The following EPG5 variants were observed in gnomAD, a reference collection of about 807,000 sequenced individuals.
The protein encoded by EPG5 is ectopic P-granules 5 autophagy tethering factor, also known as ectopic P granules protein 5 homolog.
A neutral mutation model predicts 302.7 loss-of-function variants in EPG5; 159 were observed. That is an observed-to-expected ratio of 0.53 (90% CI 0.46 to 0.60). The LOEUF is 0.60. Ranked by LOEUF, EPG5 falls within the 20% of genes least tolerant of loss-of-function variation. The pLI, the probability that EPG5 is intolerant of heterozygous loss-of-function variation, is 0.00. For synonymous variants in EPG5, 1,158 were observed against 1,136.8 expected (o/e 1.02, Z -0.37); for missense variants, 2,896 against 3,092.4 (o/e 0.94, Z 1.51).
chr18:45,860,028 C>A, intron 40 of EPG5, 76 bp downstream of exon 40: 1 of 1,558,742 alleles, frequency 6.4e-7, no homozygotes, highest in Non-Finnish European at 8.7e-7. Context: ...AGTCTGGAAA[C>A]ATATCTGCTG....
At chr18:45,961,158 T>C (rs1054196693) in intron 1 of EPG5, among the ~76,000 whole-genome samples, 1 of 152,160 alleles carries the variant, frequency 6.6e-6, no homozygotes, top group Non-Finnish European at 1.5e-5. Context: ...CATCACCTCT[T>C]GCCTGGGTGA....
At chr18:45,821,480 A>G in the EPG5 span, among the ~76,000 whole-genome samples, 1 of 152,248 alleles carries the variant, frequency 6.6e-6, no homozygotes, top group Non-Finnish European at 1.5e-5. Context: ...TAACCTAAAT[A>G]TAAAACCCGA....
Position 45,925,817 on chromosome 18 carries a change from A to G in EPG5, c.2639T>C (p.Leu880Ser), listed in dbSNP as rs760827488. ...CTTCACCACTGTCAGGTTGTAATTC[A>G]ATAACCAATCCCGAATCACCGCTAT... ...SEIAVIRDWL[L>S]NYNLTVVKNK... is the part of the protein sequence containing the mutation. Residue 880 changes from leucine (L) to serine (S), a missense_variant, in exon 14 of 44, where the codon TTG becomes TCG. Leu to Ser is a moderately radical substitution (Grantham distance 145). This residue lies in a region of EPG5 where 1,390 missense variants were observed against 1,430.0 expected (regional missense o/e 0.97). Coordinates refer to ENST00000282041, the MANE Select transcript of EPG5 (RefSeq NM_020964.3). 1.3e-6 allele frequency: 2 copies of G among 1,582,702 alleles called. No homozygotes were observed. Among genetic ancestry groups the G allele is most frequent in the Non-Finnish European group, 1.7e-6 (2 of 1,167,598 alleles).
chr18:45,817,593 G>C, the EPG5 span, among the ~76,000 whole-genome samples: 16 of 152,344 alleles, frequency 1.1e-4, 1 homozygote, highest in Admixed American at 5.2e-4. Flanking sequence ...TGGAGGATCT[G>C]CTTCCAAGTT....
At position 45,858,040 on chromosome 18, in the gene EPG5, A is replaced by G. The variant is rs2048553852; in HGVS notation, c.7255T>C (p.Leu2419=). 2 of 1,613,750 alleles carry G rather than the reference A, an allele frequency of 1.2e-6. No homozygotes were observed. The highest frequency in any genetic ancestry group is 1.7e-6 in the Non-Finnish European group (2 of 1,179,836). The change falls in exon 42 of 44, where the codon TTG becomes CTG. Residue 2419 remains leucine, a synonymous_variant. Coordinates refer to ENST00000282041, the MANE Select transcript of EPG5 (RefSeq NM_020964.3). ...AGCTGAAGGACTTGGTGCCACCACA[A>G]AAACAGCTTTGCCTCTTCCTCCACG... ...SSVEEEAKLF[L]WWHQVLQLSL...
At chr18:45,894,454 A>G (rs1467278207) in intron 27 of EPG5, among the ~76,000 whole-genome samples, 1 of 149,396 alleles carries the variant, frequency 6.7e-6, no homozygotes, top group Admixed American at 6.6e-5. Context: ...TCTGCCTCAA[A>G]ATAATAATAA....
At chr18:45,807,883 C>G in the EPG5 span, among the ~76,000 whole-genome samples, 1 of 152,058 alleles carries the variant, frequency 6.6e-6, no homozygotes, top group Non-Finnish European at 1.5e-5. Context: ...GAAGAAATCC[C>G]TGATTTACCT....
At chr18:45,935,054 G>T in intron 10 of EPG5, 88 bp from the exon 11 acceptor site, 2 of 1,337,860 alleles carry the variant, frequency 1.5e-6, no homozygotes, top group Non-Finnish European at 2.0e-6. Context: ...AGGAAAAAAA[G>T]ATTCTTAAAT....
In EPG5 at chr18:45,851,678, C is replaced by T. The variant is rs1458446687; in HGVS notation, c.*789G>A. On this transcript the variant is annotated 3_prime_UTR_variant, in exon 44 of 44. Transcript: ENST00000282041. ...GATGTGAATGAGGCTAGGGTCAGGG[C>T]CCGAGGGAATGCACAGACTCTCCCG... 2 of 152,198 alleles carry T rather than the reference C, an allele frequency of 1.3e-5. No individual in the cohort carries two copies. Among genetic ancestry groups the T allele is most frequent in the Admixed American group, 6.5e-5 (1 of 15,280 alleles). The allele number at this position is 152,198 out of a possible 1,614,324, so 9.4% of individuals were successfully genotyped here.
chr18:45,948,681 A>G, intron 5 of EPG5, 105 bp from the exon 6 acceptor site: 1 of 837,156 alleles, frequency 1.2e-6, no homozygotes, highest in East Asian at 2.7e-5. Context: ...AAGAGAACAA[A>G]GCTGAAACTG....
chr18:45,829,100 C>T, the EPG5 span: 4 of 985,842 alleles, frequency 4.1e-6, no homozygotes, highest in South Asian at 4.7e-5. Flanking sequence ...CAGGCTACAT[C>T]GGGACTCTGA....
intron 29 of EPG5, 41 bp from the exon 30 acceptor site, chr18:45,884,852 C>A: frequency 7.1e-7 from 1 of 1,406,232 alleles, no homozygotes; most frequent in South Asian, 1.5e-5. Context: ...AGATTCTTCC[C>A]TCACAACCTT....
chr18:45,858,177 A>G (rs2048557146), intron 41 of EPG5, 109 bp from the exon 42 acceptor site: 4 of 807,278 alleles, frequency 5.0e-6, no homozygotes, highest in Non-Finnish European at 7.9e-6. Context: ...CAGTACTTCA[A>G]AAGCACAGGC....
At chr18:45,931,723 T>TA (rs1356251619) in intron 11 of EPG5, among the ~76,000 whole-genome samples, 1 of 152,084 alleles carries the variant, frequency 6.6e-6, no homozygotes, top group East Asian at 1.9e-4. Flanking sequence ...TAGTCCCAGC[T>TA]ACTCGGGAGA....
At chr18:45,834,851 T>A in the EPG5 span, among the ~76,000 whole-genome samples, 1,813 of 152,196 alleles carry the variant, frequency 0.012, 34 homozygotes, top group African/African-American at 0.04. Context: ...GAGGCTGAGG[T>A]CACAGAAAGT....
At chr18:45,937,800 C>T (rs72918360) in intron 10 of EPG5, among the ~76,000 whole-genome samples, 14,250 of 151,972 alleles carry the variant, frequency 0.094, 732 homozygotes, top group African/African-American at 0.14. Context: ...ATTTGAGTGC[C>T]GAATAAATTT....
chr18:45,948,512 G>A lies in EPG5; in HGVS notation c.1562C>T (p.Ser521Phe), dbSNP rs1410627276. ...GCTCTTGCACACTTACTTGACAGGA[G>A]ACATCAGCAGGGCAAGGGATTGCAT... Reference protein sequence around the residue: ...HFMQSLALLMSPVKNRAEFMC... With the variant: ...HFMQSLALLMFPVKNRAEFMC... The change falls in exon 6 of 44, where the codon TCT becomes TTT. Residue 521 changes from serine (S) to phenylalanine (F), a missense_variant. Ser to Phe is a radical substitution (Grantham distance 155, BLOSUM62 -2). Transcript: ENST00000282041. 1.2e-6 allele frequency: 2 copies of A among 1,612,698 alleles called. No homozygotes were observed. The highest frequency in any genetic ancestry group is 1.3e-5 in the African/African-American group (1 of 74,904).
chr18:45,946,713 A>C lies in EPG5; in HGVS notation c.1627T>G (p.Ser543Ala). The C allele has an allele frequency of 1.9e-6, 3 of 1,614,196 alleles. No homozygotes were observed. The highest frequency in any genetic ancestry group is 1.7e-4 in the Middle Eastern group (1 of 6,052). ...GTCCAAGTCCCAGACCCAGGCCCTG[A>C]GGAGGATGGCTTCCGCTCGCTGGGC... The part of the protein sequence containing the change: ...MKPSERKPSS[S>A]GPGSGTWTLV... Residue 543 changes from serine to alanine, a missense_variant, in exon 7 of 44, where the codon TCA becomes GCA. By Grantham distance (99) the Ser-to-Ala change is moderately conservative. Transcript: ENST00000282041.
Position 45,913,912 on chromosome 18 carries a change from C to A in EPG5, c.3694-84G>T, listed in dbSNP as rs553356029. The A allele has an allele frequency of 1.5e-5, 22 of 1,512,488 alleles. No homozygotes were observed. In the South Asian group the frequency reaches 2.8e-4, roughly 19 times the overall value. 93.7% of individuals were successfully genotyped at this position (1,512,488 alleles called of 1,614,324 possible). On this transcript the variant is annotated intron_variant, in intron 20 of 43. Transcript: ENST00000282041. ...CATCCTGATATTCCACAATTTAAAT[C>A]TCTTCCTATCTCAAGCTCAATCAGC...
Sources: gnomAD v4.1 joint callset for allele counts (sites outside exome capture counted in the v4.1 genomes callset) on GRCh38, gnomAD v4.1.1 for gene constraint, gnomAD v4.1.1 regional missense constraint, MANE v1.5 for transcripts, NCBI Gene and HGNC (gene_info 2026-07-23, HGNC 2026-07-21) for gene names.